PTPRK: variants seen among roughly 807,000 people sequenced by gnomAD.
PTPRK encodes receptor-type tyrosine-protein phosphatase kappa.
PTPRK carries 75 observed loss-of-function variants against 178.0 expected under a neutral mutation model. That is an observed-to-expected ratio of 0.42 (90% CI 0.35 to 0.51). The LOEUF (loss-of-function observed/expected upper bound fraction) is 0.51, where lower values mean the gene tolerates loss of function less well. Among genes scored for constraint, PTPRK ranks in the 20% least tolerant of loss-of-function variants. The probability of loss-of-function intolerance (pLI) is 0.02; values close to 1 mark genes in which losing one functional copy is unlikely to be tolerated. For synonymous variants in PTPRK, 637 were observed against 620.6 expected, an observed-to-expected ratio of 1.03 and a Z score of -0.39; for missense variants, 1,441 against 1,797.8, an observed-to-expected ratio of 0.80 and a Z score of 3.59.
intron 3 of PTPRK, among the ~76,000 whole-genome samples, chr6:128,308,612 G>C (rs1826793195): frequency 6.6e-6 from 1 of 152,088 alleles, no homozygotes; most frequent in Non-Finnish European, 1.5e-5. Flanking sequence ...CGGGAATAAG[G>C]ACTTGGGAAA....
At chr6:127,991,415 T>C (rs377620241) in intron 19 of PTPRK, 24 bp from the exon 20 acceptor site, 42 of 1,522,620 alleles carry the variant, frequency 2.8e-5, no homozygotes, top group Non-Finnish European at 3.5e-5. Flanking sequence ...AATTTGAATA[T>C]TATGTTATCA....
At chr6:128,269,473 A>AAAAGAGGGTGGCATCT (rs1462373669) in intron 3 of PTPRK, among the ~76,000 whole-genome samples, 1 of 151,976 alleles carries the variant, frequency 6.6e-6, no homozygotes, top group African/African-American at 2.4e-5. Context: ...GGAGAGGCCC[A>AAAAGAGGGTGGCATCT]AAAGAGGGTG....
At chr6:128,515,412 GTT>G (rs142937181) in intron 1 of PTPRK, among the ~76,000 whole-genome samples, 242 of 151,486 alleles carry the variant, frequency 1.6e-3, no homozygotes, top group African/African-American at 5.6e-3. Context: ...AACAGCATGA[GTT>G]TTGATTAAAA....
At chr6:127,994,751 G>T (rs948338523) in intron 18 of PTPRK, among the ~76,000 whole-genome samples, 2 of 151,648 alleles carry the variant, frequency 1.3e-5, no homozygotes, top group East Asian at 1.9e-4. Context: ...TCTGTGATTC[G>T]ATATATATGT....
chr6:128,107,050 G>C (rs1789838837), intron 7 of PTPRK, among the ~76,000 whole-genome samples: 1 of 152,038 alleles, frequency 6.6e-6, no homozygotes, highest in Admixed American at 6.6e-5. Flanking sequence ...AAATTAGAAT[G>C]ATTTGTCTTA....
chr6:128,478,886 G>A (rs1048118721), intron 1 of PTPRK, among the ~76,000 whole-genome samples: 1 of 152,064 alleles, frequency 6.6e-6, no homozygotes, highest in Non-Finnish European at 1.5e-5. Context: ...TCCTCTTCCT[G>A]GACTCACAGG....
At chr6:128,130,381 C>T (rs112647742) in intron 7 of PTPRK, among the ~76,000 whole-genome samples, 3,869 of 152,178 alleles carry the variant, frequency 0.025, 75 homozygotes, top group Middle Eastern at 0.095. Flanking sequence ...TATATGAAAG[C>T]CCTAAAAAAA....
chr6:128,315,574 AGATTACATGAGTAAAATTTAGTGTC>A (rs1827880747), intron 3 of PTPRK, among the ~76,000 whole-genome samples: 1 of 152,190 alleles, frequency 6.6e-6, no homozygotes, highest in Non-Finnish European at 1.5e-5. Flanking sequence ...ATTGTCCACT[AGATTACATGAGTAAAATTTAGTGTC>A]CAAAGTTTGT....
chr6:128,130,324 G>A (rs1487404523), intron 7 of PTPRK, among the ~76,000 whole-genome samples: 2 of 152,080 alleles, frequency 1.3e-5, no homozygotes, highest in Non-Finnish European at 2.9e-5. Flanking sequence ...CAGAAAGCCT[G>A]CCTTTCTTCA....
At chr6:128,415,803 T>C (rs1842783770) in intron 1 of PTPRK, among the ~76,000 whole-genome samples, 1 of 152,174 alleles carries the variant, frequency 6.6e-6, no homozygotes, top group South Asian at 2.1e-4. Flanking sequence ...GCAGGGTCCA[T>C]GACACATAGG....
chr6:128,307,159 A>AT (rs1826514801), intron 3 of PTPRK, among the ~76,000 whole-genome samples: 1 of 135,220 alleles, frequency 7.4e-6, no homozygotes, highest in Non-Finnish European at 1.5e-5. Context: ...GAAGAAAAAA[A>AT]AATATATATA....
At chr6:128,365,683 A>G (rs1835382595) in intron 2 of PTPRK, among the ~76,000 whole-genome samples, 1 of 152,104 alleles carries the variant, frequency 6.6e-6, no homozygotes, top group South Asian at 2.1e-4. Flanking sequence ...TGTTATCAAT[A>G]TCAGCCTTGT....
intron 6 of PTPRK, among the ~76,000 whole-genome samples, chr6:128,216,521 C>T (rs1463378594): frequency 1.4e-5 from 2 of 144,156 alleles, no homozygotes; most frequent in South Asian, 2.2e-4. Flanking sequence ...GGTGACAGAG[C>T]GAGATTCTGT....
intron 12 of PTPRK, among the ~76,000 whole-genome samples, chr6:128,065,251 G>A (rs528270635): frequency 3.3e-5 from 5 of 152,130 alleles, no homozygotes; most frequent in Non-Finnish European, 7.4e-5. Flanking sequence ...ATAGCAGTTA[G>A]AAAGATCATC....
In PTPRK at chr6:128,316,214, C is replaced by T. The variant is rs560525393; in HGVS notation, c.495+5825G>A. Reference sequence around the variant, plus strand: ...ATGTATTTTTTCAGATTCAGCAAACCAAAGTGAGTGCTAGTTGAGAACATA... The same window carrying T: ...ATGTATTTTTTCAGATTCAGCAAACTAAAGTGAGTGCTAGTTGAGAACATA... On this transcript the variant is annotated intron_variant, in intron 3 of 29. Transcript: ENST00000368226. 2.6e-5 allele frequency among the ~76,000 whole-genome samples: 4 copies of T among 152,160 alleles called. No individual in the cohort carries two copies. In the South Asian group the frequency reaches 8.3e-4, roughly 32 times the overall value.
intron 11 of PTPRK, among the ~76,000 whole-genome samples, chr6:128,077,539 G>A (rs141730262): frequency 5.7e-4 from 85 of 150,078 alleles, no homozygotes; most frequent in Non-Finnish European, 9.9e-4. Flanking sequence ...TATTTGGATG[G>A]CTAATACGTG....
Position 128,242,580 on chromosome 6 carries a change from G to A in PTPRK, c.518C>T (p.Ser173Leu). The A allele has an allele frequency of 6.2e-7, 1 of 1,612,676 alleles. No homozygotes were observed. The highest frequency in any genetic ancestry group is 8.5e-7 in the Non-Finnish European group (1 of 1,179,514). The change falls in exon 4 of 30, where the codon TCA (serine) becomes TTA (leucine). Residue 173 changes from serine (S) to leucine (L), a missense_variant. Transcript: ENST00000368226. The stretch of plus-strand genomic sequence containing the variant: ...GGCAATATAACCACTTCTCCCTCCT[G>A]AGACTTCAGCTTCAAATATTACCTG... ...EYQVIFEAEV[S>L]GGRSGYIAID...
At chr6:128,517,957 C>G (rs930081728) in intron 1 of PTPRK, among the ~76,000 whole-genome samples, 15 of 152,130 alleles carry the variant, frequency 9.9e-5, no homozygotes, top group African/African-American at 3.1e-4. Flanking sequence ...CAATACATCT[C>G]TAATCTATGT....
intron 7 of PTPRK, among the ~76,000 whole-genome samples, chr6:128,164,192 G>C (rs991079265): frequency 2.0e-5 from 3 of 151,252 alleles, no homozygotes; most frequent in African/African-American, 7.3e-5. Flanking sequence ...TCTATACCAA[G>C]ATAAAGATAT....
Sources: gnomAD v4.1 joint callset for allele counts (sites outside exome capture counted in the v4.1 genomes callset) on GRCh38, gnomAD v4.1.1 for gene constraint, MANE v1.5 for transcripts, NCBI Gene and HGNC (gene_info 2026-07-23, HGNC 2026-07-21) for gene names.